The following SPATA16 variants were observed in gnomAD, a reference collection of about 807,000 sequenced individuals.
SPATA16 encodes spermatogenesis-associated protein 16.
SPATA16 carries 36 observed loss-of-function variants against 63.3 expected under a neutral mutation model. That is an observed-to-expected ratio of 0.57 (90% CI 0.44 to 0.75). The LOEUF (loss-of-function observed/expected upper bound fraction) is 0.75. Ranked by LOEUF, SPATA16 falls within the 30% of genes least tolerant of loss-of-function variation. The pLI is 0.00. For missense variants in SPATA16, 646 were observed against 679.3 expected, an observed-to-expected ratio of 0.95 and a Z score of 0.54; for synonymous variants, 203 against 216.7, an observed-to-expected ratio of 0.94 and a Z score of 0.56.
At chr3:173,001,156 C>T (rs762537388) in intron 4 of SPATA16, among the ~76,000 whole-genome samples, 4 of 151,984 alleles carry the variant, frequency 2.6e-5, no homozygotes, top group Admixed American at 6.6e-5. Context: ...AAGACTACGA[C>T]GAGTAATGTA....
chr3:173,028,035 C>CTTCT, intron 3 of SPATA16, among the ~76,000 whole-genome samples: 2 of 93,862 alleles, frequency 2.1e-5, no homozygotes, highest in African/African-American at 9.2e-5. Context: ...TCCTTCCTTC[C>CTTCT]TTCCTTCCTT....
chr3:172,902,434 T>TACA (rs1479748293), intron 10 of SPATA16, among the ~76,000 whole-genome samples: 2 of 152,178 alleles, frequency 1.3e-5, no homozygotes, highest in African/African-American at 4.8e-5. Context: ...TATCATAGGT[T>TACA]TTTAAAAAAT....
At chr3:173,114,225 G>A (rs970020892) in intron 2 of SPATA16, among the ~76,000 whole-genome samples, 1 of 148,680 alleles carries the variant, frequency 6.7e-6, no homozygotes, top group Non-Finnish European at 1.5e-5. Context: ...TTCCCTCATA[G>A]CAAGCCTTCT....
Position 173,112,901 on chromosome 3 carries a change from G to A in SPATA16, c.612+4219C>T, listed in dbSNP as rs373581626. Among the ~76,000 whole-genome samples the A allele has an allele frequency of 3.3e-5, 5 of 152,108 alleles. No individual in the cohort carries two copies. The East Asian group carries it at 7.7e-4, about 23-fold the overall frequency. ...ATTTGTTCTAATTCAGAAGGTGGAA[G>A]CCTCTTAATTATTAGGATCCTATGA... On this transcript the variant is annotated intron_variant, in intron 2 of 10. Coordinates refer to ENST00000351008, the MANE Select transcript of SPATA16 (RefSeq NM_031955.6).
rs556738395 is a variant in SPATA16 at position 173,045,242 on chromosome 3, C to T, written c.758+3707G>A. 2.0e-5 allele frequency among the ~76,000 whole-genome samples: 3 copies of T among 152,186 alleles called. No individual in the cohort carries two copies. The South Asian group carries it at 6.2e-4, about 32-fold the overall frequency. On this transcript the variant is annotated intron_variant, in intron 3 of 10. Coordinates refer to ENST00000351008, the MANE Select transcript of SPATA16 (RefSeq NM_031955.6). ...CTTGCTATTCTAATCTCGGCCTCTTCAGTTTGGTGAGACTGTAGTTTAACT... is the reference window on the plus strand; with the variant it reads ...CTTGCTATTCTAATCTCGGCCTCTTTAGTTTGGTGAGACTGTAGTTTAACT...
At chr3:172,899,558 G>A (rs1210380605) in intron 10 of SPATA16, among the ~76,000 whole-genome samples, 1 of 151,680 alleles carries the variant, frequency 6.6e-6, no homozygotes, top group Non-Finnish European at 1.5e-5. Flanking sequence ...AGAATATTTG[G>A]GTCATATTCT....
At chr3:173,056,101 T>C (rs1736215381) in intron 2 of SPATA16, among the ~76,000 whole-genome samples, 1 of 152,202 alleles carries the variant, frequency 6.6e-6, no homozygotes, top group Non-Finnish European at 1.5e-5. Flanking sequence ...GAGTAACAAC[T>C]CATAATGAGG....
chr3:172,901,039 T>C (rs931407895), intron 10 of SPATA16, among the ~76,000 whole-genome samples: 4 of 151,756 alleles, frequency 2.6e-5, no homozygotes, highest in Middle Eastern at 3.2e-3. Flanking sequence ...TTTTTTGTTA[T>C]AGTTATTTTA....
In SPATA16 at chr3:172,930,098, C is replaced by T. The variant is rs148390659; in HGVS notation, c.1082-4606G>A. The stretch of plus-strand genomic sequence containing the variant: ...TTGCTATTATCTTGGCCAAATTTCT[C>T]ATCACATAACATCTGGATTATTGAA... On this transcript the variant is annotated intron_variant, in intron 6 of 10. Coordinates refer to ENST00000351008, the MANE Select transcript of SPATA16 (RefSeq NM_031955.6). Among the ~76,000 whole-genome samples the T allele has an allele frequency of 1.4e-4, 22 of 152,340 alleles. No homozygotes were observed. The East Asian group carries it at 3.3e-3, about 23-fold the overall frequency.
At chr3:172,956,906 G>A in intron 5 of SPATA16, 82 bp from the exon 6 acceptor site, 1 of 1,516,156 alleles carries the variant, frequency 6.6e-7, no homozygotes, top group Non-Finnish European at 9.0e-7. Flanking sequence ...TTACCTTTAT[G>A]GATGACTTAA....
intron 1 of SPATA16, among the ~76,000 whole-genome samples, chr3:173,127,847 G>T (rs543832362): frequency 6.6e-6 from 1 of 152,174 alleles, no homozygotes; most frequent in African/African-American, 2.4e-5. Flanking sequence ...TTGCGACCAC[G>T]CAATTTCCTG....
In SPATA16 at chr3:173,117,567, C is replaced by G. The variant is rs977348402; in HGVS notation, c.165G>C (p.Gln55His). The G allele has an allele frequency of 2.5e-6, 4 of 1,613,628 alleles. No homozygotes were observed. The African/African-American group carries it at 4.0e-5, about 16-fold the overall frequency. Residue 55 changes from glutamine to histidine, a missense_variant, in exon 2 of 11, where the codon CAG (glutamine) becomes CAC (histidine). Gln to His is a conservative substitution (Grantham distance 24, BLOSUM62 0). Transcript: ENST00000351008. ...TTGTTCTTTCAAGTGTGATTTCTAC[C>G]TGTTTACCTCCACAGTTTTTCTTAA... ...QEIKKNCGGK[Q>H]VEITLERTKM...
At chr3:173,032,679 C>G (rs1034193846) in intron 3 of SPATA16, among the ~76,000 whole-genome samples, 1 of 152,102 alleles carries the variant, frequency 6.6e-6, no homozygotes, top group Non-Finnish European at 1.5e-5. Flanking sequence ...TCTTTAGAGG[C>G]ATGCAGTGAA....
chr3:172,928,647 A>G lies in SPATA16; in HGVS notation c.1082-3155T>C, dbSNP rs575731543. On this transcript the variant is annotated intron_variant, in intron 6 of 10. Transcript: ENST00000351008. ...AGCAATACTATTATTGGCAGTGATT[A>G]GATGGAATAGAAACGAGTATCAGTA... 1.4e-4 allele frequency among the ~76,000 whole-genome samples: 22 copies of G among 152,324 alleles called. No homozygotes were observed. The South Asian group carries it at 4.1e-3, about 29-fold the overall frequency.
intron 2 of SPATA16, among the ~76,000 whole-genome samples, chr3:173,074,519 T>C (rs7614389): frequency 0.19 from 28,160 of 152,108 alleles, 2,962 homozygotes; most frequent in African/African-American, 0.29. Flanking sequence ...CTCTCATTCT[T>C]TCTTGTCTGC....
At chr3:172,935,049 G>A (rs1033993228) in intron 6 of SPATA16, among the ~76,000 whole-genome samples, 4 of 152,112 alleles carry the variant, frequency 2.6e-5, no homozygotes, top group East Asian at 1.9e-4. Flanking sequence ...AGAGACCACC[G>A]TATTATTACT....
At chr3:173,001,123 G>A (rs1734813232) in intron 4 of SPATA16, among the ~76,000 whole-genome samples, 1 of 152,136 alleles carries the variant, frequency 6.6e-6, no homozygotes, top group South Asian at 2.1e-4. Flanking sequence ...GTGGGTAAAA[G>A]GAACTGCAGT....
chr3:173,075,157 A>T (rs1056479183), intron 2 of SPATA16, among the ~76,000 whole-genome samples: 5 of 101,566 alleles, frequency 4.9e-5, no homozygotes, highest in Non-Finnish European at 1.1e-4. Flanking sequence ...TTGAAATTAT[A>T]AAAAAAAAAG....
chr3:172,953,246 A>G (rs1310842873), intron 6 of SPATA16, among the ~76,000 whole-genome samples: 1 of 152,122 alleles, frequency 6.6e-6, no homozygotes, highest in Admixed American at 6.6e-5. Context: ...CGCTGAATAA[A>G]TGAATAGATG....
Sources: gnomAD v4.1 joint callset for allele counts (sites outside exome capture counted in the v4.1 genomes callset) on GRCh38, gnomAD v4.1.1 for gene constraint, MANE v1.5 for transcripts, NCBI Gene and HGNC (gene_info 2026-07-23, HGNC 2026-07-21) for gene names.